Variants in LOXL4 observed in about 807,000 individuals in gnomAD.
LOXL4 encodes the protein lysyl oxidase like 4.
In LOXL4, 72 loss-of-function variants were observed where a neutral mutation model predicts 89.1. The ratio of observed to expected loss-of-function variants is 0.81; its 90% CI spans 0.67 to 0.98. LOXL4 has a LOEUF of 0.98. Ranked by LOEUF, LOXL4 falls within the 50% of genes least tolerant of loss-of-function variation. The pLI, the probability that LOXL4 is intolerant of heterozygous loss-of-function variation, is 0.00. For synonymous variants in LOXL4, 355 were observed against 392.1 expected (o/e 0.91, Z 1.12); for missense variants, 984 against 1,017.5 (o/e 0.97, Z 0.45).
chr10:98,253,465 G>C, intron 11 of LOXL4, 88 bp downstream of exon 11: 1 of 1,579,042 alleles, frequency 6.3e-7, no homozygotes, highest in Non-Finnish European at 8.6e-7. Flanking sequence ...AGGAAAACTT[G>C]CCTGTGGCCA....
chr10:98,252,575 A>G, intron 11 of LOXL4, 107 bp from the exon 12 acceptor site: 1 of 728,726 alleles, frequency 1.4e-6, no homozygotes, highest in African/African-American at 1.8e-5. Context: ...CCGAGAGGAA[A>G]GTTATAGTAG....
intron 1 of LOXL4, among the ~76,000 whole-genome samples, chr10:98,267,107 A>C (rs1293306393): frequency 6.6e-6 from 1 of 152,220 alleles, no homozygotes; most frequent in African/African-American, 2.4e-5. Flanking sequence ...ACAGATGAGA[A>C]GGTAAGGTCC....
At position 98,259,383 on chromosome 10, in the gene LOXL4, C is replaced by T; in HGVS notation, c.701+8G>A. 6.2e-7 allele frequency: 1 copy of T among 1,612,950 alleles called. No individual in the cohort carries two copies. Among genetic ancestry groups the T allele is most frequent in the Non-Finnish European group, 8.5e-7 (1 of 1,179,684 alleles). The stretch of plus-strand genomic sequence containing the variant: ...TTTGCCTCCTCCCTCTAGGGTGCTG[C>T]TCCTCACCTAGACTTAGGGTCCCTC... On this transcript the variant is annotated splice_region_variant and intron_variant, in intron 5 of 14. Coordinates refer to ENST00000260702, the MANE Select transcript of LOXL4 (RefSeq NM_032211.7).
rs1265787982 is a variant in LOXL4, at chr10:98,262,115, C to T, written c.376G>A (p.Glu126Lys). 1 of 1,613,296 alleles carries T rather than the reference C, an allele frequency of 6.2e-7. No individual in the cohort carries two copies. The highest frequency in any genetic ancestry group is 8.5e-7 in the Non-Finnish European group (1 of 1,179,970). ...GGGTGGCATATCACCCCTACGTCTT[C>T]TGAGTGACTGCAGTCACTGACTCCC... Reference protein sequence around the residue: ...GWGVSDCSHSEDVGVICHPRR... With the variant: ...GWGVSDCSHSKDVGVICHPRR... Residue 126 changes from glutamate to lysine, a missense_variant, in exon 3 of 15, where the codon GAA (glutamate) becomes AAA (lysine). Coordinates refer to ENST00000260702, the MANE Select transcript of LOXL4 (RefSeq NM_032211.7).
intron 10 of LOXL4, 41 bp downstream of exon 10, chr10:98,255,536 G>A (rs1342888255): frequency 6.4e-7 from 1 of 1,573,838 alleles, no homozygotes; most frequent in Non-Finnish European, 8.7e-7. Flanking sequence ...GGGGAGCACA[G>A]GCCTACCTGT....
At position 98,251,270 on chromosome 10, in the gene LOXL4, CTTCA is replaced by C. The variant is rs1201585429; in HGVS notation, c.2089-98_2089-95del. ...TAATCCTTACATGTGTTTCTATTTG[CTTCA>C]TTAATTCTTAACAATTACCCAGGAG... On this transcript the variant is annotated intron_variant, in intron 13 of 14. Transcript: ENST00000260702. 29 of 1,008,550 alleles carry C rather than the reference CTTCA, an allele frequency of 2.9e-5. 1 individual carries two copies. In the South Asian group the frequency reaches 3.3e-4, roughly 11 times the overall value. The allele number at this position is 1,008,550 out of a possible 1,614,324, so 62.5% of individuals were successfully genotyped here.
intron 1 of LOXL4, 42 bp from the exon 2 acceptor site, chr10:98,263,093 C>T (rs1419240039): frequency 2.0e-6 from 3 of 1,532,270 alleles, no homozygotes; most frequent in Non-Finnish European, 2.7e-6. Flanking sequence ...CACCTCTACC[C>T]AGATCTCAGA....
At chr10:98,255,825 AC>A in intron 9 of LOXL4, 86 bp from the exon 10 acceptor site, 1 of 1,483,878 alleles carries the variant, frequency 6.7e-7, no homozygotes, top group South Asian at 1.3e-5. Context: ...CAGTCATACC[AC>A]CCCCACCGGG....
At position 98,262,172 on chromosome 10, in the gene LOXL4, T is replaced by A. The variant is rs1218216808; in HGVS notation, c.319A>T (p.Ser107Cys). ...TTAGACCCGCACTGGTCCAAGGAGC[T>A]CTCTGTGCCCACACAGCGCACATTG... ...LDNVRCVGTE[S>C]SLDQCGSNGW... Residue 107 changes from serine (S) to cysteine (C), a missense_variant, in exon 3 of 15, where the codon AGC becomes TGC. Transcript: ENST00000260702. The A allele has an allele frequency of 6.2e-7, 1 of 1,613,660 alleles. No individual in the cohort carries two copies. Among genetic ancestry groups the A allele is most frequent in the East Asian group, 2.2e-5 (1 of 44,864 alleles).
chr10:98,257,873 C>T (rs1288094963), intron 7 of LOXL4, 69 bp from the exon 8 acceptor site: 1 of 1,579,748 alleles, frequency 6.3e-7, no homozygotes, highest in Non-Finnish European at 8.6e-7. Flanking sequence ...GCTTCCCCTT[C>T]ACAGAGGGGG....
In LOXL4 at chr10:98,248,328, A is replaced by C. The variant is rs1163507689; in HGVS notation, c.*593T>G. The C allele has an allele frequency of 1.3e-5, 2 of 152,676 alleles. No homozygotes were observed. Among genetic ancestry groups the C allele is most frequent in the Non-Finnish European group, 2.9e-5 (2 of 68,274 alleles). 9.5% of individuals were successfully genotyped at this position (152,676 alleles called of 1,614,324 possible). ...CCCGAGGTCTGTGCTTCCAAGGATA[A>C]TAGAAACACCCATGTGTGTGGTAAG... On this transcript the variant is annotated 3_prime_UTR_variant, in exon 15 of 15. Transcript: ENST00000260702.
chr10:98,262,624 G>C, intron 2 of LOXL4, 119 bp downstream of exon 2: 2 of 1,263,668 alleles, frequency 1.6e-6, no homozygotes, highest in Non-Finnish European at 2.2e-6. Flanking sequence ...CTCAGGAAAT[G>C]CCGTGTGGAG....
At chr10:98,249,013 G>GT in intron 14 of LOXL4, 22 bp from the exon 15 acceptor site, 1 of 1,602,652 alleles carries the variant, frequency 6.2e-7, no homozygotes. Context: ...AGGAAAACAG[G>GT]TAAGTAGCCA....
intron 10 of LOXL4, among the ~76,000 whole-genome samples, chr10:98,254,195 T>C (rs971444756): frequency 2.7e-4 from 41 of 152,372 alleles, no homozygotes; most frequent in African/African-American, 9.4e-4. Context: ...AAACATGCAG[T>C]TGAAGCTAGT....
At position 98,260,934 on chromosome 10, in the gene LOXL4, C is replaced by A. The variant is rs1272263118; in HGVS notation, c.650G>T (p.Ser217Ile). 6.2e-7 allele frequency: 1 copy of A among 1,610,754 alleles called. No homozygotes were observed. The highest frequency in any genetic ancestry group is 8.5e-7 in the Non-Finnish European group (1 of 1,178,962). The change falls in exon 4 of 15, where the codon AGC becomes ATC. Residue 217 changes from serine to isoleucine, a missense_variant. Physicochemically the swap from Ser to Ile is moderately radical, Grantham distance 142. Coordinates refer to ENST00000260702, the MANE Select transcript of LOXL4 (RefSeq NM_032211.7). ...LGFPSEVPVD[S>I]HYYRKVWDLK... ...GCCGCCCTCCTACCTGTAGTAGTGG[C>A]TGTCGACAGGCACCTCGCTGGGGAA...
At chr10:98,267,176 C>T (rs375139423) in intron 1 of LOXL4, among the ~76,000 whole-genome samples, 6 of 152,234 alleles carry the variant, frequency 3.9e-5, no homozygotes, top group East Asian at 1.9e-4. Context: ...GGCTAGACGC[C>T]GGACTCTCAA....
intron 4 of LOXL4, among the ~76,000 whole-genome samples, chr10:98,260,489 G>A (rs1030634762): frequency 6.6e-6 from 1 of 151,780 alleles, no homozygotes; most frequent in Non-Finnish European, 1.5e-5. Flanking sequence ...GTGGGGGGGC[G>A]TTCTGTACCT....
Position 98,259,409 on chromosome 10 carries a change from A to G in LOXL4, c.683T>C (p.Met228Thr), listed in dbSNP as rs764027210. The change falls in exon 5 of 15, where the codon ATG becomes ACG. Residue 228 changes from methionine (M) to threonine (T), a missense_variant. Coordinates refer to ENST00000260702, the MANE Select transcript of LOXL4 (RefSeq NM_032211.7). ...HYYRKVWDLK[M>T]RDPKSRLKSL... ...TCCTCACCTAGACTTAGGGTCCCTC[A>G]TCTTCAGATCCCAGACTTTCCTGTT... is the stretch of plus-strand genomic sequence containing the variant. 5 of 1,613,240 alleles carry G rather than the reference A, an allele frequency of 3.1e-6. No homozygotes were observed. The highest frequency in any genetic ancestry group is 3.4e-6 in the Non-Finnish European group (4 of 1,179,810).
At chr10:98,261,670 C>T (rs146872816) in intron 3 of LOXL4, among the ~76,000 whole-genome samples, 39 of 152,382 alleles carry the variant, frequency 2.6e-4, no homozygotes, top group African/African-American at 9.4e-4. Flanking sequence ...CCCTGCCCTG[C>T]CCGCTCCTGT....
Sources: allele counts gnomAD v4.1 joint callset (sites outside exome capture counted in the v4.1 genomes callset), GRCh38; gene constraint gnomAD v4.1.1; transcripts MANE v1.5; gene names NCBI Gene and HGNC (gene_info 2026-07-23, HGNC 2026-07-21).